Variants in SIPA1L2 observed in about 807,000 individuals in gnomAD.
SIPA1L2 encodes signal induced proliferation associated 1 like 2.
SIPA1L2 carries 56 observed loss-of-function variants against 163.9 expected under a neutral mutation model. The ratio of observed to expected loss-of-function variants is 0.34; its 90% confidence interval spans 0.28 to 0.43. The LOEUF is 0.43. SIPA1L2 is among the 20% of genes least tolerant of loss of function. The pLI is 1.00. For missense variants in SIPA1L2, 1,974 were observed against 2,193.5 expected (o/e 0.90, Z 2.00); for synonymous variants, 877 against 865.7 (o/e 1.01, Z -0.23).
chr1:232,629,428 A>C (rs191237277), intron 1 of SIPA1L2, among the ~76,000 whole-genome samples: 1 of 152,162 alleles, frequency 6.6e-6, no homozygotes, highest in African/African-American at 2.4e-5. Flanking sequence ...CTCCGGGCGC[A>C]CCCCCTCTAG....
intron 22 of SIPA1L2, 108 bp downstream of exon 22, chr1:232,402,284 T>G (rs1405025064): frequency 2.3e-6 from 2 of 872,742 alleles, no homozygotes; most frequent in Non-Finnish European, 3.4e-6. Flanking sequence ...CATTGGTTTT[T>G]GTGTAAGGCA....
In SIPA1L2 at chr1:232,501,050, A is replaced by ATTTTTTTTTTTTTTT. The variant is rs60008360; in HGVS notation, c.1484-7405_1484-7391dup. Among the ~76,000 whole-genome samples, 425 of 78,432 alleles carry ATTTTTTTTTTTTTTT rather than the reference A, an allele frequency of 5.4e-3. 53 individuals carry two copies. The highest frequency in any genetic ancestry group is 0.013 in the Middle Eastern group (1 of 80). 51.5% of individuals were successfully genotyped at this position (78,432 alleles called of 152,430 possible). On this transcript the variant is annotated intron_variant, in intron 3 of 22. Coordinates refer to ENST00000674635, the MANE Select transcript of SIPA1L2 (RefSeq NM_020808.5). ...TGTTAGCACTTTTTAGCAATGAAGTATTTTTTTTTTTTTTTTTTTTTTTGT... is the reference window on the plus strand; with the variant it reads ...TGTTAGCACTTTTTAGCAATGAAGTATTTTTTTTTTTTTTTTTTTTTTTTTTTTTTTTTTTTTTGT...
chr1:232,612,896 C>CTTTTTTTTTTTTTTT (rs1553324656), intron 1 of SIPA1L2, among the ~76,000 whole-genome samples: 1 of 152,056 alleles, frequency 6.6e-6, no homozygotes, highest in African/African-American at 2.4e-5. Flanking sequence ...TCACCCAAAT[C>CTTTTTTTTTTTTTTT]TTATCTTGAA....
chr1:232,536,531 G>C (rs1005940765), intron 2 of SIPA1L2, among the ~76,000 whole-genome samples: 6 of 152,230 alleles, frequency 3.9e-5, no homozygotes, highest in Non-Finnish European at 8.8e-5. Flanking sequence ...CAAAGCCCAG[G>C]GACTGAGAGA....
At chr1:232,584,701 CA>C (rs1043650721) in intron 1 of SIPA1L2, among the ~76,000 whole-genome samples, 1 of 152,150 alleles carries the variant, frequency 6.6e-6, no homozygotes, top group African/African-American at 2.4e-5. Context: ...TTGGCCCCTA[CA>C]AAGGGAAAGT....
chr1:232,504,648 A>C (rs1184893849), intron 3 of SIPA1L2, among the ~76,000 whole-genome samples: 1 of 152,192 alleles, frequency 6.6e-6, no homozygotes. Flanking sequence ...TGAAAAACAT[A>C]GATTTTTGTC....
intron 3 of SIPA1L2, among the ~76,000 whole-genome samples, chr1:232,495,612 AG>A (rs1666145696): frequency 6.6e-6 from 1 of 152,038 alleles, no homozygotes; most frequent in Non-Finnish European, 1.5e-5. Flanking sequence ...TATGGTATAT[AG>A]TCCTAGACTT....
At position 232,415,631 on chromosome 1, in the gene SIPA1L2, C is replaced by T. The variant is rs749989075; in HGVS notation, c.4631-6G>A. On this transcript the variant is annotated splice_polypyrimidine_tract_variant and splice_region_variant and intron_variant, in intron 18 of 22. Transcript: ENST00000674635. Reference sequence around the variant, plus strand: ...ATCGGAGAACCAGAACTCATCTAAACAGAAACAAAACCAGAGAGTCAGTCA... The same window carrying T: ...ATCGGAGAACCAGAACTCATCTAAATAGAAACAAAACCAGAGAGTCAGTCA... 1 of 1,613,906 alleles carries T rather than the reference C, an allele frequency of 6.2e-7. No homozygotes were observed. The highest frequency in any genetic ancestry group is 1.7e-5 in the Admixed American group (1 of 59,988).
intron 14 of SIPA1L2, among the ~76,000 whole-genome samples, 200 bp from the exon 15 acceptor site, chr1:232,439,696 A>G (rs1472070592): frequency 6.6e-6 from 1 of 152,208 alleles, no homozygotes; most frequent in Non-Finnish European, 1.5e-5. Context: ...TTCTTCCCAT[A>G]ATTTATCTAA....
At position 232,486,302 on chromosome 1, in the gene SIPA1L2, C is replaced by T. The variant is rs1018322509; in HGVS notation, c.1807-2336G>A. On this transcript the variant is annotated intron_variant, in intron 5 of 22. Coordinates refer to ENST00000674635, the MANE Select transcript of SIPA1L2 (RefSeq NM_020808.5). The stretch of plus-strand genomic sequence containing the variant: ...TCTCATTCAGGCAAAGGCCAAACAA[C>T]TGGACAACTGAAATTTCATGAGACC... Among the ~76,000 whole-genome samples the T allele has an allele frequency of 2.6e-5, 4 of 152,298 alleles. No homozygotes were observed. In the East Asian group the frequency reaches 7.7e-4, roughly 29 times the overall value.
chr1:232,476,248 G>A (rs150745422), intron 7 of SIPA1L2, among the ~76,000 whole-genome samples: 2,030 of 152,192 alleles, frequency 0.013, 27 homozygotes, highest in Non-Finnish European at 0.017. Flanking sequence ...TTGGTGTCAA[G>A]CCCATTACTA....
At chr1:232,601,185 C>T (rs1021373890) in intron 1 of SIPA1L2, among the ~76,000 whole-genome samples, 1 of 152,144 alleles carries the variant, frequency 6.6e-6, no homozygotes, top group Non-Finnish European at 1.5e-5. Context: ...ACTGCCTCAT[C>T]CTACAGTTGC....
At position 232,584,949 on chromosome 1, in the gene SIPA1L2, T is replaced by C. The variant is rs79971160; in HGVS notation, c.-318-10727A>G. ...CCATATATGGGGGAGAGAGGAAGTA[T>C]TGTGGCTGATTTACATCAAACATTC... On this transcript the variant is annotated intron_variant, in intron 1 of 22. Transcript: ENST00000674635. Among the ~76,000 whole-genome samples the C allele has an allele frequency of 6.3e-3, 966 of 152,328 alleles. 12 individuals carry two copies. Among genetic ancestry groups the C allele is most frequent in the African/African-American group, 0.022 (916 of 41,560 alleles).
At chr1:232,475,800 C>CT (rs1209923156) in intron 7 of SIPA1L2, among the ~76,000 whole-genome samples, 2 of 152,130 alleles carry the variant, frequency 1.3e-5, no homozygotes, top group Admixed American at 6.5e-5. Context: ...ACAAAATAAT[C>CT]TAAGAATGCA....
At chr1:232,410,087 G>GTTAT (rs1188761274) in intron 19 of SIPA1L2, among the ~76,000 whole-genome samples, 1 of 150,906 alleles carries the variant, frequency 6.6e-6, no homozygotes, top group Non-Finnish European at 1.5e-5. Context: ...TGCATTCCTT[G>GTTAT]TTTAAATGTC....
In SIPA1L2 at chr1:232,402,420, A is replaced by G. The variant is rs2102738641; in HGVS notation, c.4994T>C (p.Leu1665Pro). ...CCGAAGGTCGGTCTGGAGTTGTCGA[A>G]GAATTAATTCCAGCTGATTGACTTT... ...TGKVNQLELI[L>P]RQLQTDLRKE... The change falls in exon 22 of 23, where the codon CTT (leucine) becomes CCT (proline). Residue 1665 changes from leucine to proline, a missense_variant. Leu to Pro is a moderately conservative substitution (Grantham distance 98). Transcript: ENST00000674635. 6.2e-7 allele frequency: 1 copy of G among 1,613,710 alleles called. No homozygotes were observed. Among genetic ancestry groups the G allele is most frequent in the Non-Finnish European group, 8.5e-7 (1 of 1,179,670 alleles).
intron 10 of SIPA1L2, 108 bp from the exon 11 acceptor site, chr1:232,445,894 C>G (rs1355722287): frequency 1.6e-6 from 2 of 1,273,576 alleles, no homozygotes; most frequent in African/African-American, 1.5e-5. Context: ...GTGTGCCTCT[C>G]CCGGCTCCAA....
chr1:232,629,817 G>A (rs1663288700), intron 1 of SIPA1L2, among the ~76,000 whole-genome samples, 52 bp downstream of exon 1: 1 of 151,954 alleles, frequency 6.6e-6, no homozygotes, highest in Admixed American at 6.5e-5. Flanking sequence ...CTGGCCGCAG[G>A]CATCCCGAAC....
At chr1:232,591,742 T>C (rs187156894) in intron 1 of SIPA1L2, among the ~76,000 whole-genome samples, 420 of 152,286 alleles carry the variant, frequency 2.8e-3, no homozygotes, top group Non-Finnish European at 4.3e-3. Flanking sequence ...GAGAGGAAAA[T>C]GCTTCCGAGC....
Sources: allele counts gnomAD v4.1 joint callset (sites outside exome capture counted in the v4.1 genomes callset), GRCh38; gene constraint gnomAD v4.1.1; transcripts MANE v1.5; gene names NCBI Gene and HGNC (gene_info 2026-07-23, HGNC 2026-07-21).